Variants in DAB1 observed in about 807,000 individuals in gnomAD.
DAB1 encodes disabled homolog 1.
In DAB1, 15 loss-of-function variants were observed where a neutral mutation model predicts 64.6. That is an observed-to-expected ratio of 0.23 (90% CI 0.16 to 0.36). The LOEUF (loss-of-function observed/expected upper bound fraction) is 0.36. Ranked by LOEUF, DAB1 falls within the 10% of genes least tolerant of loss-of-function variation. The pLI is 1.00. For synonymous variants in DAB1, 235 were observed against 251.9 expected (o/e 0.93, Z 0.64); for missense variants, 596 against 706.7 (o/e 0.84, Z 1.78).
chr1:58,023,108 A>G (rs1646837863), intron 5 of DAB1, among the ~76,000 whole-genome samples: 2 of 152,158 alleles, frequency 1.3e-5, no homozygotes, highest in African/African-American at 4.8e-5. Context: ...TACCTTTTGC[A>G]TGGCATTCTT....
At chr1:57,426,876 T>TATA (rs1383757354), upstream of DAB1, among the ~76,000 whole-genome samples, 83 of 135,048 alleles carry the variant, frequency 6.1e-4, 2 homozygotes, top group Admixed American at 1.1e-3. Flanking sequence ...ATATATATAT[T>TATA]TTTTTGAGAC....
Position 57,243,560 on chromosome 1 carries a change from C to T in DAB1, c.67+47404G>A, listed in dbSNP as rs535102526. ...AAACCCACAGCCCGGACTCCCTACC[C>T]TCTTGTTCACTCTCTCTGTTCTTGC... On this transcript the variant is annotated intron_variant, in intron 2 of 14. Coordinates refer to ENST00000371236, the MANE Select transcript of DAB1 (RefSeq NM_001365792.1). Among the ~76,000 whole-genome samples, 5 of 152,304 alleles carry T rather than the reference C, an allele frequency of 3.3e-5. No homozygotes were observed. The South Asian group carries it at 1.0e-3, about 32-fold the overall frequency.
At chr1:57,931,848 G>A (rs764077055) in intron 5 of DAB1, among the ~76,000 whole-genome samples, 6 of 151,920 alleles carry the variant, frequency 3.9e-5, no homozygotes, top group Non-Finnish European at 8.8e-5. Flanking sequence ...CTATTCCATG[G>A]ATTCCTGCTC....
intron 1 of DAB1, among the ~76,000 whole-genome samples, chr1:57,873,682 C>G (rs1332727894): frequency 6.6e-6 from 1 of 152,098 alleles, no homozygotes; most frequent in African/African-American, 2.4e-5. Flanking sequence ...CTAGCTCTGC[C>G]ATTTAATAGC....
intron 4 of DAB1, among the ~76,000 whole-genome samples, chr1:58,175,932 G>A (rs1483794447): frequency 6.6e-6 from 1 of 152,124 alleles, no homozygotes; most frequent in African/African-American, 2.4e-5. Context: ...GTTTTAAAAA[G>A]GAAGCATTCA....
chr1:58,179,816 G>A (rs1234810823), intron 4 of DAB1, among the ~76,000 whole-genome samples: 1 of 150,316 alleles, frequency 6.7e-6, no homozygotes, highest in East Asian at 1.9e-4. Flanking sequence ...TTGTTTTTCT[G>A]TTTCCTGTTT....
intron 1 of DAB1, among the ~76,000 whole-genome samples, chr1:57,337,203 TC>T (rs1227222472): frequency 2.0e-4 from 31 of 152,346 alleles, no homozygotes; most frequent in Admixed American, 8.5e-4. Context: ...CTGGCTGCAG[TC>T]TCTGCTCCTG....
chr1:57,987,931 A>T (rs189321377), intron 5 of DAB1, among the ~76,000 whole-genome samples: 2 of 151,990 alleles, frequency 1.3e-5, no homozygotes, highest in Non-Finnish European at 2.9e-5. Context: ...TTGGGATGCG[A>T]TCGCATGCCT....
At chr1:58,153,922 C>A (rs1025341811) in intron 4 of DAB1, among the ~76,000 whole-genome samples, 1 of 150,106 alleles carries the variant, frequency 6.7e-6, no homozygotes, top group Non-Finnish European at 1.5e-5. Flanking sequence ...AGGACTCCCC[C>A]CAAAACTACT....
chr1:57,102,714 T>C (rs1654792829), intron 4 of DAB1, among the ~76,000 whole-genome samples: 2 of 152,196 alleles, frequency 1.3e-5, no homozygotes, highest in Admixed American at 1.3e-4. Flanking sequence ...TATCATGAAG[T>C]TGCAAAGTTC....
intron 3 of DAB1, among the ~76,000 whole-genome samples, chr1:58,406,727 C>A (rs962174111): frequency 2.0e-5 from 3 of 151,342 alleles, no homozygotes; most frequent in Non-Finnish European, 4.4e-5. Context: ...CCCCAACTGC[C>A]ACCATCTCAC....
intron 5 of DAB1, among the ~76,000 whole-genome samples, chr1:57,919,097 C>T (rs2102020150): frequency 6.6e-6 from 1 of 152,294 alleles, no homozygotes; most frequent in South Asian, 2.1e-4. Context: ...CCTGGGTCCT[C>T]CCATTCACTA....
At chr1:57,624,703 T>C (rs1167961448) in intron 7 of DAB1, among the ~76,000 whole-genome samples, 2 of 152,216 alleles carry the variant, frequency 1.3e-5, no homozygotes, top group African/African-American at 4.8e-5. Context: ...ATAAGCCACA[T>C]TAACAAAGCC....
intron 7 of DAB1, among the ~76,000 whole-genome samples, chr1:57,624,167 A>G (rs1274374559): frequency 6.6e-6 from 1 of 152,228 alleles, no homozygotes; most frequent in African/African-American, 2.4e-5. Flanking sequence ...TAGGCACTTA[A>G]TAAATTACAA....
chr1:57,228,907 A>G (rs1451333214), intron 2 of DAB1, among the ~76,000 whole-genome samples: 1 of 152,232 alleles, frequency 6.6e-6, no homozygotes, highest in East Asian at 1.9e-4. Flanking sequence ...AACTACTTAC[A>G]TCAACATGAA....
At chr1:58,255,989 T>G (rs13375633) in intron 4 of DAB1, among the ~76,000 whole-genome samples, 1 of 152,166 alleles carries the variant, frequency 6.6e-6, no homozygotes. Context: ...CTGACACTTC[T>G]TGGCCCCAGT....
chr1:57,603,511 T>C (rs1049305711), intron 7 of DAB1, among the ~76,000 whole-genome samples: 5 of 152,224 alleles, frequency 3.3e-5, no homozygotes, highest in Admixed American at 2.0e-4. Flanking sequence ...TCCTGTTTGA[T>C]AAATCAATTG....
At chr1:57,494,719 C>G (rs971639872) in intron 7 of DAB1, among the ~76,000 whole-genome samples, 1 of 152,208 alleles carries the variant, frequency 6.6e-6, no homozygotes, top group Admixed American at 6.5e-5. Flanking sequence ...TACTGCCACT[C>G]ACTCTGGTTT....
At chr1:57,844,809 G>C (rs1426162715) in intron 1 of DAB1, among the ~76,000 whole-genome samples, 2 of 152,072 alleles carry the variant, frequency 1.3e-5, no homozygotes, top group Non-Finnish European at 2.9e-5. Flanking sequence ...TATACATCTA[G>C]GAATGTAGGT....
Sources: gnomAD v4.1 joint callset for allele counts (sites outside exome capture counted in the v4.1 genomes callset) on GRCh38, gnomAD v4.1.1 for gene constraint, MANE v1.5 for transcripts, NCBI Gene and HGNC (gene_info 2026-07-23, HGNC 2026-07-21) for gene names.